AMOTL1: variants seen among roughly 807,000 people sequenced by gnomAD.
The protein encoded by AMOTL1 is angiomotin-like protein 1.
A neutral mutation model predicts 102.9 loss-of-function variants in AMOTL1; 45 were observed. The observed-to-expected ratio is 0.44, with a 90% CI of 0.34 to 0.56. The LOEUF is 0.56. AMOTL1 is among the 20% of genes least tolerant of loss of function. The probability of loss-of-function intolerance (pLI) is 0.01; values close to 1 mark genes in which losing one functional copy is unlikely to be tolerated. For missense variants in AMOTL1, 1,114 were observed against 1,225.6 expected (o/e 0.91, Z 1.36); for synonymous variants, 481 against 484.7 (o/e 0.99, Z 0.10).
chr11:94,828,681 A>G (rs756406595), intron 4 of AMOTL1, among the ~76,000 whole-genome samples: 33 of 152,186 alleles, frequency 2.2e-4, no homozygotes, highest in Admixed American at 5.9e-4. Context: ...AACACCTGAC[A>G]TGTAAGCAAA....
chr11:94,755,879 C>CTT (rs1199148540), intron 3 of AMOTL1, among the ~76,000 whole-genome samples: 1 of 152,184 alleles, frequency 6.6e-6, no homozygotes, highest in Non-Finnish European at 1.5e-5. Context: ...GACCCTCTGC[C>CTT]TTATCCCAAG....
intron 1 of AMOTL1, among the ~76,000 whole-genome samples, chr11:94,708,631 G>A (rs1223123638): frequency 2.0e-5 from 3 of 152,086 alleles, no homozygotes; most frequent in African/African-American, 7.2e-5. Context: ...ACTTTTAAGG[G>A]TTATAATCTC....
chr11:94,827,537 A>C (rs1047113625), intron 4 of AMOTL1, among the ~76,000 whole-genome samples: 4 of 152,220 alleles, frequency 2.6e-5, no homozygotes, highest in Admixed American at 2.6e-4. Context: ...AATTCATGGT[A>C]AGGCTATGAA....
intron 6 of AMOTL1, among the ~76,000 whole-genome samples, chr11:94,837,202 C>T (rs1282569535): frequency 1.3e-5 from 2 of 152,186 alleles, no homozygotes; most frequent in African/African-American, 4.8e-5. Flanking sequence ...CTCCTGAGTC[C>T]TGGTGTCTTA....
chr11:94,772,241 A>G (rs540028039), intron 1 of AMOTL1, among the ~76,000 whole-genome samples: 1 of 152,300 alleles, frequency 6.6e-6, no homozygotes, highest in Non-Finnish European at 1.5e-5. Flanking sequence ...TTGTATTTCT[A>G]TGTGTGTACT....
At chr11:94,753,925 G>C (rs1950689259) in intron 3 of AMOTL1, among the ~76,000 whole-genome samples, 1 of 152,158 alleles carries the variant, frequency 6.6e-6, no homozygotes, top group African/African-American at 2.4e-5. Context: ...AACTTAATTG[G>C]GAAGAAAGAT....
intron 12 of AMOTL1, 26 bp downstream of exon 12, chr11:94,869,499 C>T (rs780910170): frequency 6.4e-7 from 1 of 1,561,948 alleles, no homozygotes; most frequent in African/African-American, 1.4e-5. Context: ...CACCTTGATG[C>T]CCCTGAAAAC....
intron 8 of AMOTL1, 90 bp from the exon 9 acceptor site, chr11:94,859,435 T>C: frequency 7.9e-7 from 1 of 1,267,868 alleles, no homozygotes; most frequent in Non-Finnish European, 1.1e-6. Flanking sequence ...TGCTGCAGGA[T>C]CTGGGGAACC....
intron 1 of AMOTL1, among the ~76,000 whole-genome samples, chr11:94,794,526 G>A (rs537682868): frequency 1.6e-4 from 24 of 152,308 alleles, no homozygotes; most frequent in African/African-American, 5.5e-4. Flanking sequence ...GGGGCAGAGA[G>A]CACATTCTCT....
chr11:94,857,993 T>A (rs1952701546), intron 8 of AMOTL1, among the ~76,000 whole-genome samples: 1 of 152,184 alleles, frequency 6.6e-6, no homozygotes, highest in South Asian at 2.1e-4. Flanking sequence ...TGTAAATAAC[T>A]CTTAATGACC....
At chr11:94,795,348 G>T (rs1325419942) in intron 2 of AMOTL1, among the ~76,000 whole-genome samples, 188 bp downstream of exon 2, 4 of 152,070 alleles carry the variant, frequency 2.6e-5, no homozygotes, top group Non-Finnish European at 5.9e-5. Flanking sequence ...TTAATAGACT[G>T]CTTTACTCTA....
chr11:94,839,192 G>A (rs1952245171), intron 6 of AMOTL1, among the ~76,000 whole-genome samples: 1 of 152,234 alleles, frequency 6.6e-6, no homozygotes, highest in Non-Finnish European at 1.5e-5. Flanking sequence ...TGGAGTTGCA[G>A]GTTTGCTCCC....
intron 1 of AMOTL1, among the ~76,000 whole-genome samples, chr11:94,783,070 A>G (rs373674377): frequency 1.3e-5 from 2 of 152,336 alleles, no homozygotes; most frequent in African/African-American, 4.8e-5. Context: ...TAGAGTATAA[A>G]AGGATCCTAA....
At chr11:94,729,092 T>C in intron 2 of AMOTL1, 2 of 1,259,638 alleles carry the variant, frequency 1.6e-6, no homozygotes, top group Non-Finnish European at 1.0e-6. Flanking sequence ...AGCATGGTAC[T>C]CTTCAGCTTC....
chr11:94,797,763 T>C (rs1324651115), intron 2 of AMOTL1, among the ~76,000 whole-genome samples: 3 of 152,180 alleles, frequency 2.0e-5, no homozygotes, highest in Non-Finnish European at 2.9e-5. Flanking sequence ...GGAAACTATA[T>C]GTACATAAGT....
rs116374065 is a variant in AMOTL1, at chr11:94,854,067, A to G, written c.1929A>G (p.Ala643=). ...LRTWLERELD[A]LRTQQKHGNG... ...CTTGGCTGGAGAGAGAGCTGGATGCACTGAGAACCCAGCAGGTAAGGAACT... is the reference window on the plus strand; with the variant it reads ...CTTGGCTGGAGAGAGAGCTGGATGCGCTGAGAACCCAGCAGGTAAGGAACT... The change falls in exon 8 of 13, where the codon GCA becomes GCG. Residue 643 remains alanine, a synonymous_variant. Transcript: ENST00000433060. The G allele has an allele frequency of 6.0e-4, 929 of 1,548,922 alleles. 8 individuals carry two copies. The African/African-American group carries it at 0.011, about 19-fold the overall frequency.
At chr11:94,743,335 C>A (rs887670406) in intron 3 of AMOTL1, among the ~76,000 whole-genome samples, 1 of 152,224 alleles carries the variant, frequency 6.6e-6, no homozygotes, top group African/African-American at 2.4e-5. Flanking sequence ...TATTCATGTG[C>A]TGTGCTGTTT....
chr11:94,847,145 G>T (rs974710736), intron 6 of AMOTL1, among the ~76,000 whole-genome samples: 2 of 152,146 alleles, frequency 1.3e-5, no homozygotes, highest in African/African-American at 2.4e-5. Flanking sequence ...CCCCAGAAAC[G>T]AATGTAGCTT....
chr11:94,795,911 G>C (rs1262140367), intron 2 of AMOTL1, among the ~76,000 whole-genome samples: 1 of 152,190 alleles, frequency 6.6e-6, no homozygotes, highest in East Asian at 1.9e-4. Context: ...GGGGAGGACT[G>C]TGTCCTCTTT....
Sources: allele counts gnomAD v4.1 joint callset (sites outside exome capture counted in the v4.1 genomes callset), GRCh38; gene constraint gnomAD v4.1.1; transcripts MANE v1.5; gene names NCBI Gene and HGNC (gene_info 2026-07-23, HGNC 2026-07-21).